Variants in SLC25A48 observed in about 807,000 individuals in gnomAD.
SLC25A48 encodes the protein solute carrier family 25 member 48, also known as CTC-321K16.1.
SLC25A48 carries 29 observed loss-of-function variants against 32.2 expected under a neutral mutation model. The observed-to-expected ratio is 0.90, with a 90% CI of 0.67 to 1.23. The LOEUF is 1.23. SLC25A48 is among the 50% of genes most tolerant of loss of function. The pLI, the probability that SLC25A48 is intolerant of heterozygous loss-of-function variation, is 0.00. For synonymous variants in SLC25A48, 164 were observed against 172.3 expected, an observed-to-expected ratio of 0.95 and a Z score of 0.38; for missense variants, 399 against 422.7, an observed-to-expected ratio of 0.94 and a Z score of 0.49.
chr5:135,692,611 A>G (rs1440257843), intron 3 of SLC25A48, among the ~76,000 whole-genome samples: 1 of 152,236 alleles, frequency 6.6e-6, no homozygotes, highest in African/African-American at 2.4e-5. Context: ...AAAGTGCCCC[A>G]GACAGAGGAG....
At chr5:135,848,740 G>A (rs1053669838) in intron 2 of SLC25A48, among the ~76,000 whole-genome samples, 8 of 152,284 alleles carry the variant, frequency 5.3e-5, no homozygotes, top group Admixed American at 6.5e-5. Flanking sequence ...AATAGGCCCC[G>A]AACAAATATT....
intron 3 of SLC25A48, among the ~76,000 whole-genome samples, chr5:135,743,421 G>A (rs1260300931): frequency 6.6e-6 from 1 of 151,962 alleles, no homozygotes; most frequent in Non-Finnish European, 1.5e-5. Flanking sequence ...CATCTGATGG[G>A]TAGAGGCCAG....
At chr5:135,667,718 C>T (rs1753557030) in intron 3 of SLC25A48, among the ~76,000 whole-genome samples, 1 of 152,218 alleles carries the variant, frequency 6.6e-6, no homozygotes, top group Non-Finnish European at 1.5e-5. Context: ...TTAGCACACA[C>T]AGTTGGTGCC....
upstream of SLC25A48, among the ~76,000 whole-genome samples, chr5:135,832,581 T>C (rs1287089563): frequency 1.3e-5 from 2 of 152,148 alleles, no homozygotes; most frequent in African/African-American, 2.4e-5. Context: ...TGTAGAACGA[T>C]GGACTCCCTC....
intron 1 of SLC25A48, among the ~76,000 whole-genome samples, chr5:135,839,020 C>T (rs964434744): frequency 6.6e-6 from 1 of 152,166 alleles, no homozygotes; most frequent in Non-Finnish European, 1.5e-5. Context: ...GCACCATGCA[C>T]CTGGAAAAGC....
chr5:135,728,205 G>A (rs1755134695), intron 3 of SLC25A48, among the ~76,000 whole-genome samples: 1 of 150,264 alleles, frequency 6.7e-6, no homozygotes, highest in Admixed American at 6.6e-5. Flanking sequence ...GCAGTGGGCT[G>A]AGATCGCGCC....
At position 135,715,360 on chromosome 5, in the gene SLC25A48, T is replaced by C. The variant is rs57634910; in HGVS notation, c.-521+80404T>C. Among the ~76,000 whole-genome samples the C allele has an allele frequency of 5.4e-3, 824 of 152,308 alleles. 6 individuals are homozygous for C. The highest frequency in any genetic ancestry group is 0.019 in the African/African-American group (785 of 41,570). On this transcript the variant is annotated intron_variant, in intron 3 of 10. Coordinates refer to the SLC25A48 transcript ENST00000646290. The stretch of plus-strand genomic sequence containing the variant: ...GGGACTTCATTCAGGTTTCTGGGGT[T>C]TGACCCAGTGGCCCCAGTCCTAGTC...
intron 3 of SLC25A48, among the ~76,000 whole-genome samples, chr5:135,756,930 T>C (rs1264647580): frequency 6.7e-6 from 1 of 149,774 alleles, no homozygotes. Context: ...TAATAAAATA[T>C]CATCTAGATG....
chr5:135,762,113 G>A (rs1182722826), intron 3 of SLC25A48, among the ~76,000 whole-genome samples: 1 of 152,234 alleles, frequency 6.6e-6, no homozygotes, highest in East Asian at 1.9e-4. Flanking sequence ...GTACTGTTCT[G>A]TGCAGCCACA....
At chr5:135,650,782 G>A (rs968016902) in intron 3 of SLC25A48, among the ~76,000 whole-genome samples, 6 of 152,248 alleles carry the variant, frequency 3.9e-5, no homozygotes, top group Admixed American at 1.3e-4. Context: ...CTTTGTGCGT[G>A]TGTATGTGTG....
At chr5:135,823,535 T>C (rs1757945356) in intron 4 of SLC25A48, among the ~76,000 whole-genome samples, 1 of 152,222 alleles carries the variant, frequency 6.6e-6, no homozygotes, top group Non-Finnish European at 1.5e-5. Flanking sequence ...CTTCCAATAC[T>C]TGGTGTCTAC....
At chr5:135,602,091 A>G (rs1035822965) in intron 1 of SLC25A48, among the ~76,000 whole-genome samples, 1 of 152,200 alleles carries the variant, frequency 6.6e-6, no homozygotes, top group African/African-American at 2.4e-5. Flanking sequence ...TTTTTTGTAA[A>G]TAATGTGTAC....
chr5:135,874,704 T>C lies in SLC25A48; in HGVS notation c.813+550T>C, dbSNP rs181219625. On this transcript the variant is annotated intron_variant, in intron 6 of 7. Transcript: ENST00000681962. The stretch of plus-strand genomic sequence containing the variant: ...GTTTCCCTGGGCTGTGTCTCCTCTG[T>C]TCTTCCTACAGCTCAAGAGCTTAAC... The C allele has an allele frequency of 8.7e-4, 611 of 702,504 alleles. 3 individuals are homozygous for C. The African/African-American group carries it at 9.5e-3, about 11-fold the overall frequency. 43.5% of individuals were successfully genotyped at this position (702,504 alleles called of 1,614,324 possible). A position where few individuals can be genotyped will look rare whatever the true frequency, so the allele number is the denominator to read the frequency against.
At chr5:135,601,570 G>A (rs999219224) in intron 1 of SLC25A48, among the ~76,000 whole-genome samples, 1 of 152,128 alleles carries the variant, frequency 6.6e-6, no homozygotes, top group Non-Finnish European at 1.5e-5. Context: ...GAACCCATGG[G>A]TCACACAGTT....
intron 4 of SLC25A48, among the ~76,000 whole-genome samples, chr5:135,854,119 A>G (rs1760117298): frequency 6.6e-6 from 1 of 152,198 alleles, no homozygotes; most frequent in Non-Finnish European, 1.5e-5. Flanking sequence ...CATGCTGTAA[A>G]CAGATGTGCT....
chr5:135,664,778 T>C (rs1753483451), intron 3 of SLC25A48, among the ~76,000 whole-genome samples: 1 of 152,222 alleles, frequency 6.6e-6, no homozygotes. Flanking sequence ...GGCTGAGTAG[T>C]ATTACATGGT....
upstream of SLC25A48, among the ~76,000 whole-genome samples, chr5:135,831,327 G>T (rs714090): frequency 0.19 from 28,865 of 152,194 alleles, 2,913 homozygotes; most frequent in Middle Eastern, 0.25. Flanking sequence ...AAGGCCCAGC[G>T]GACTAAGCAG....
chr5:135,795,114 T>C (rs969693632), intron 3 of SLC25A48, among the ~76,000 whole-genome samples: 5 of 151,920 alleles, frequency 3.3e-5, no homozygotes, highest in Non-Finnish European at 7.4e-5. Context: ...ACACCACTCC[T>C]GTGATATTGT....
At chr5:135,698,963 G>A (rs1754328642) in intron 3 of SLC25A48, among the ~76,000 whole-genome samples, 1 of 152,158 alleles carries the variant, frequency 6.6e-6, no homozygotes, top group African/African-American at 2.4e-5. Flanking sequence ...AGTCATCAGG[G>A]AAATGCAAAT....
Sources: gnomAD v4.1 joint callset for allele counts (sites outside exome capture counted in the v4.1 genomes callset) on GRCh38, gnomAD v4.1.1 for gene constraint, MANE v1.5 for transcripts, NCBI Gene and HGNC (gene_info 2026-07-23, HGNC 2026-07-21) for gene names.